The following LHCGR variants were observed in gnomAD, a reference collection of about 807,000 sequenced individuals.
LHCGR encodes the protein lutropin-choriogonadotropic hormone receptor.
In LHCGR, 55 loss-of-function variants were observed where a neutral mutation model predicts 60.7. The ratio of observed to expected loss-of-function variants is 0.91; its 90% CI spans 0.73 to 1.13. LHCGR has a LOEUF of 1.13. Ranked by LOEUF, LHCGR falls within the 50% of genes most tolerant of loss-of-function variation. The probability of loss-of-function intolerance (pLI) is 0.00; values close to 1 mark genes in which losing one functional copy is unlikely to be tolerated. For synonymous variants in LHCGR, 337 were observed against 316.5 expected (o/e 1.06, Z -0.69); for missense variants, 862 against 836.0 (o/e 1.03, Z -0.38).
chr2:48,691,983 C>G (rs1009269021), intron 10 of LHCGR, among the ~76,000 whole-genome samples: 2 of 151,930 alleles, frequency 1.3e-5, no homozygotes, highest in Non-Finnish European at 2.9e-5. Context: ...AGCATGAGGT[C>G]TTCATAATCA....
At chr2:48,703,872 C>T (rs1028163175) in intron 8 of LHCGR, among the ~76,000 whole-genome samples, 2 of 152,096 alleles carry the variant, frequency 1.3e-5, no homozygotes, top group African/African-American at 2.4e-5. Context: ...AAATGAATAC[C>T]CTTTATTTCC....
chr2:48,700,781 A>T (rs1011549521), intron 8 of LHCGR, among the ~76,000 whole-genome samples: 7 of 152,254 alleles, frequency 4.6e-5, no homozygotes, highest in African/African-American at 1.7e-4. Flanking sequence ...CAGAGAAAGC[A>T]GTGGGCAGGA....
At chr2:48,742,957 A>G (rs1347358105) in intron 1 of LHCGR, among the ~76,000 whole-genome samples, 2 of 152,208 alleles carry the variant, frequency 1.3e-5, no homozygotes, top group Non-Finnish European at 2.9e-5. Flanking sequence ...AAGACTAATA[A>G]AGAAAAAAAG....
intron 1 of LHCGR, among the ~76,000 whole-genome samples, chr2:48,736,443 G>C (rs1558882801): frequency 6.6e-6 from 1 of 152,242 alleles, no homozygotes; most frequent in East Asian, 1.9e-4. Context: ...CCAGTGACAG[G>C]AAAATTTACA....
chr2:48,727,320 C>T (rs1286499650), intron 3 of LHCGR, among the ~76,000 whole-genome samples: 2 of 152,026 alleles, frequency 1.3e-5, no homozygotes, highest in Non-Finnish European at 1.5e-5. Flanking sequence ...TTAGCCCAGT[C>T]ATTCATTCAT....
intron 7 of LHCGR, among the ~76,000 whole-genome samples, chr2:48,711,632 A>T (rs1558842983): frequency 6.6e-6 from 1 of 151,918 alleles, no homozygotes; most frequent in South Asian, 2.1e-4. Flanking sequence ...GTTTTTCCTG[A>T]CCTCACACAG....
intron 8 of LHCGR, among the ~76,000 whole-genome samples, chr2:48,702,258 T>C (rs1667447538): frequency 6.8e-6 from 1 of 146,198 alleles, no homozygotes; most frequent in Non-Finnish European, 1.5e-5. Context: ...AACTTTCTCA[T>C]GTATCTTTTT....
chr2:48,714,148 T>C, intron 6 of LHCGR, 94 bp from the exon 7 acceptor site: 2 of 815,436 alleles, frequency 2.5e-6, no homozygotes, highest in Non-Finnish European at 2.1e-6. Context: ...ATTACTAAGG[T>C]TATTACAGGC....
At chr2:48,729,606 A>G (rs1668898754) in intron 2 of LHCGR, among the ~76,000 whole-genome samples, 1 of 152,170 alleles carries the variant, frequency 6.6e-6, no homozygotes, top group African/African-American at 2.4e-5. Context: ...GGCAAATAGT[A>G]TTTGTATTAA....
At chr2:48,699,151 GA>G (rs1415389332) in intron 8 of LHCGR, among the ~76,000 whole-genome samples, 1 of 152,158 alleles carries the variant, frequency 6.6e-6, no homozygotes, top group Non-Finnish European at 1.5e-5. Context: ...TTCAGAGAAT[GA>G]AACCTCCCCT....
At chr2:48,719,042 G>T (rs1403717133) in intron 6 of LHCGR, among the ~76,000 whole-genome samples, 1 of 152,210 alleles carries the variant, frequency 6.6e-6, no homozygotes, top group African/African-American at 2.4e-5. Flanking sequence ...AGGATTCTAG[G>T]CCGGGCATGG....
chr2:48,694,436 C>T, intron 9 of LHCGR, 132 bp from the exon 10 acceptor site: 1 of 676,656 alleles, frequency 1.5e-6, no homozygotes, highest in Non-Finnish European at 2.7e-6. Flanking sequence ...GCACCATTGT[C>T]CTAACTGAAA....
chr2:48,715,375 T>C (rs1328593649), intron 6 of LHCGR, among the ~76,000 whole-genome samples: 1 of 152,184 alleles, frequency 6.6e-6, no homozygotes, highest in Non-Finnish European at 1.5e-5. Flanking sequence ...CTGCCTTAGA[T>C]GGAAATATTT....
intron 1 of LHCGR, among the ~76,000 whole-genome samples, chr2:48,747,668 A>T (rs957133304): frequency 4.6e-5 from 7 of 152,180 alleles, no homozygotes; most frequent in Non-Finnish European, 7.4e-5. Context: ...ACTCCTTGTA[A>T]ATCTAGGGGA....
chr2:48,709,067 G>T, intron 7 of LHCGR, 45 bp from the exon 8 acceptor site: 1 of 1,428,146 alleles, frequency 7.0e-7, no homozygotes, highest in Non-Finnish European at 9.9e-7. Context: ...TACCTCATGT[G>T]TAAGCATTCG....
At chr2:48,715,365 C>G (rs1294372253) in intron 6 of LHCGR, among the ~76,000 whole-genome samples, 3 of 152,156 alleles carry the variant, frequency 2.0e-5, no homozygotes, top group Non-Finnish European at 4.4e-5. Context: ...TTGAAAGCTA[C>G]TGCCTTAGAT....
intron 1 of LHCGR, among the ~76,000 whole-genome samples, chr2:48,748,391 G>C (rs1428093923): frequency 1.3e-5 from 2 of 152,152 alleles, no homozygotes; most frequent in African/African-American, 4.8e-5. Flanking sequence ...GGATGCTTTA[G>C]CTGGGCAGAC....
chr2:48,746,849 A>G (rs1377523377), intron 1 of LHCGR, among the ~76,000 whole-genome samples: 2 of 152,184 alleles, frequency 1.3e-5, no homozygotes, highest in Non-Finnish European at 2.9e-5. Context: ...GGTAAATAAA[A>G]CTACATGTTG....
At chr2:48,695,277 T>C (rs1188414102) in intron 9 of LHCGR, among the ~76,000 whole-genome samples, 1 of 152,204 alleles carries the variant, frequency 6.6e-6, no homozygotes, top group African/African-American at 2.4e-5. Context: ...TCTTTTGCCG[T>C]GTGGAAGCTC....
Sources: gnomAD v4.1 joint callset for allele counts (sites outside exome capture counted in the v4.1 genomes callset) on GRCh38, gnomAD v4.1.1 for gene constraint, MANE v1.5 for transcripts, NCBI Gene and HGNC (gene_info 2026-07-23, HGNC 2026-07-21) for gene names.